Variants in AR observed in about 807,000 individuals in gnomAD.
AR encodes the protein androgen receptor, also known as dihydrotestosterone receptor.
In AR, 8 loss-of-function variants were observed where a neutral mutation model predicts 53.9. The observed-to-expected ratio is 0.15, with a 90% confidence interval of 0.09 to 0.27. The LOEUF (loss-of-function observed/expected upper bound fraction) is 0.27, where lower values mean the gene tolerates loss of function less well. AR is among the 10% of genes least tolerant of loss of function. The pLI is 1.00. For synonymous variants in AR, 359 were observed against 316.4 expected (o/e 1.13, Z -1.43); for missense variants, 639 against 742.5 (o/e 0.86, Z 1.62).
rs1184087380 is a variant in AR, at chrX:67,724,422, T to A, written c.*581T>A. 2 of 173,287 alleles carry A rather than the reference T, an allele frequency of 1.2e-5. No homozygotes were observed. The highest frequency in any genetic ancestry group is 6.0e-5 in the African/African-American group (2 of 33,545). 14.3% of individuals were successfully genotyped at this position (173,287 alleles called of 1,213,427 possible). ...ATATAGAAATCCCCAAAGAGGCCAA[T>A]AGTGACGAGAAGGTGAAAATTGCAG... On this transcript the variant is annotated 3_prime_UTR_variant, in exon 8 of 8. Transcript: ENST00000374690.
intron 2 of AR, among the ~76,000 whole-genome samples, chrX:67,673,377 C>T (rs1333835324): frequency 9.3e-6 from 1 of 107,148 alleles, no homozygotes; most frequent in Non-Finnish European, 1.9e-5. Context: ...CTGTCTCTCT[C>T]TCTCTCTCTC....
At chrX:67,629,084 T>C (rs1924892930) in intron 1 of AR, among the ~76,000 whole-genome samples, 1 of 111,738 alleles carries the variant, frequency 8.9e-6, no homozygotes. Context: ...TCAAGCATAT[T>C]GGTCTAAAAT....
At chrX:67,592,957 T>G (rs1242049506) in intron 1 of AR, among the ~76,000 whole-genome samples, 1 of 111,664 alleles carries the variant, frequency 9.0e-6, no homozygotes, top group Non-Finnish European at 1.9e-5. Flanking sequence ...AAAAAACAAG[T>G]AAAATAGTGC....
chrX:67,657,046 T>C (rs1926625523), intron 2 of AR, among the ~76,000 whole-genome samples: 1 of 110,665 alleles, frequency 9.0e-6, no homozygotes. Context: ...AAAAATGTTA[T>C]TGAGAATTAT....
At chrX:67,716,415 G>A (rs755741669) in intron 4 of AR, among the ~76,000 whole-genome samples, 12 of 112,105 alleles carry the variant, frequency 1.1e-4, no homozygotes, top group East Asian at 5.6e-4. Flanking sequence ...AGTGTTTACC[G>A]GATGAAAGGC....
intron 2 of AR, among the ~76,000 whole-genome samples, chrX:67,684,314 A>G (rs1186651136): frequency 8.9e-6 from 1 of 112,219 alleles, no homozygotes; most frequent in Non-Finnish European, 1.9e-5. Flanking sequence ...TTAGCAAATT[A>G]TGTGTTCTAT....
chrX:67,711,574 G>T lies in AR; in HGVS notation c.2058G>T (p.Val686=). 8.3e-7 allele frequency: 1 copy of T among 1,211,700 alleles called. No homozygotes were observed. The part of the protein sequence containing the change: ...NVLEAIEPGV[V]CAGHDNNQPD... ...TGGAAGCCATTGAGCCAGGTGTAGTGTGTGCTGGACACGACAACAACCAGC... is the reference window on the plus strand; with the variant it reads ...TGGAAGCCATTGAGCCAGGTGTAGTTTGTGCTGGACACGACAACAACCAGC... The change falls in exon 4 of 8, where the codon GTG becomes GTT. Residue 686 remains valine (V), a synonymous_variant. Coordinates refer to ENST00000374690, the MANE Select transcript of AR (RefSeq NM_000044.6).
At chrX:67,719,821 G>T (rs763351422) in intron 5 of AR, among the ~76,000 whole-genome samples, 38 of 112,057 alleles carry the variant, frequency 3.4e-4, no homozygotes, top group Non-Finnish European at 6.4e-4. Flanking sequence ...ACTAATCCCT[G>T]CCAGCCTTCC....
At chrX:67,586,608 C>T (rs777168999) in intron 1 of AR, among the ~76,000 whole-genome samples, 1 of 112,397 alleles carries the variant, frequency 8.9e-6, no homozygotes, top group Admixed American at 9.4e-5. Context: ...AATGAATGAC[C>T]TTCAACCTTT....
At chrX:67,676,352 G>A (rs138543270) in intron 2 of AR, among the ~76,000 whole-genome samples, 1 of 112,076 alleles carries the variant, frequency 8.9e-6, no homozygotes, top group Non-Finnish European at 1.9e-5. Flanking sequence ...GCTTCTCAAA[G>A]TGAATTTTGT....
intron 2 of AR, among the ~76,000 whole-genome samples, chrX:67,656,555 T>C (rs1926604056): frequency 8.9e-6 from 1 of 111,832 alleles, no homozygotes; most frequent in Non-Finnish European, 1.9e-5. Flanking sequence ...CCAAACATTT[T>C]CCATGTGTTA....
rs1569278910 is a variant in AR, at chrX:67,599,108, G to A, written c.1617-44148G>A. Among the ~76,000 whole-genome samples the A allele has an allele frequency of 2.7e-5, 3 of 111,817 alleles. No homozygotes were observed. The South Asian group carries it at 1.1e-3, about 42-fold the overall frequency. ...GTGTTAGAGAAGGGGCCTATTGAGC[G>A]GGTGGCAGTGGCATGTGTGGCATTA... On this transcript the variant is annotated intron_variant, in intron 1 of 7. Transcript: ENST00000374690.
Position 67,546,219 on chromosome X carries a change from C to A in AR, c.1073C>A (p.Ala358Glu), listed in dbSNP as rs747067108. 4 of 1,210,307 alleles carry A rather than the reference C, an allele frequency of 3.3e-6. No individual in the cohort carries two copies. The African/African-American group carries it at 7.0e-5, about 21-fold the overall frequency. ...YKSGALDEAA[A>E]YQSRDYYNFP... ...TCCGGAGCACTGGACGAGGCAGCTGCGTACCAGAGTCGCGACTACTACAAC... is the reference window on the plus strand; with the variant it reads ...TCCGGAGCACTGGACGAGGCAGCTGAGTACCAGAGTCGCGACTACTACAAC... Residue 358 changes from alanine (A) to glutamate (E), a missense_variant, in exon 1 of 8, where the codon GCG (alanine) becomes GAG (glutamate). Physicochemically the swap from Ala to Glu is moderately radical, Grantham distance 107. Coordinates refer to ENST00000374690, the MANE Select transcript of AR (RefSeq NM_000044.6).
At chrX:67,689,806 A>C in intron 3 of AR, 2 of 683,923 alleles carry the variant, frequency 2.9e-6, no homozygotes, top group Non-Finnish European at 1.8e-6. Flanking sequence ...CCTCCAGTGA[A>C]TTAGCTGTGG....
chrX:67,598,149 G>A (rs1923166061), intron 1 of AR, among the ~76,000 whole-genome samples: 3 of 111,375 alleles, frequency 2.7e-5, no homozygotes, highest in South Asian at 3.7e-4. Context: ...GTACTTTAGC[G>A]CCCAGCACTG....
chrX:67,725,652 A>C lies in AR; in HGVS notation c.*1811A>C, dbSNP rs1368517915. On this transcript the variant is annotated 3_prime_UTR_variant, in exon 8 of 8. Coordinates refer to ENST00000374690, the MANE Select transcript of AR (RefSeq NM_000044.6). ...ACACCATCTGGTGAGTTTACTCATCATCCTCCTCTGCTGCTGATTCTGGGC... is the reference window on the plus strand; with the variant it reads ...ACACCATCTGGTGAGTTTACTCATCCTCCTCCTCTGCTGCTGATTCTGGGC... 5.7e-6 allele frequency: 1 copy of C among 174,030 alleles called. No individual in the cohort carries two copies. Among genetic ancestry groups the C allele is most frequent in the Non-Finnish European group, 1.1e-5 (1 of 91,459 alleles). 14.3% of individuals were successfully genotyped at this position (174,030 alleles called of 1,213,427 possible). A position where few individuals can be genotyped will look rare whatever the true frequency, so the allele number is the denominator to read the frequency against.
chrX:67,681,738 T>C (rs868401755), intron 2 of AR, among the ~76,000 whole-genome samples: 2 of 112,179 alleles, frequency 1.8e-5, no homozygotes, highest in African/African-American at 3.2e-5. Flanking sequence ...CAAGAAAAGA[T>C]AGGACAATAC....
At position 67,725,952 on chromosome X, in the gene AR, C is replaced by G. The variant is rs1282769146; in HGVS notation, c.*2111C>G. 1 of 174,403 alleles carries G rather than the reference C, an allele frequency of 5.7e-6. No homozygotes were observed. Among genetic ancestry groups the G allele is most frequent in the Non-Finnish European group, 1.1e-5 (1 of 91,622 alleles). 14.4% of individuals were successfully genotyped at this position (174,403 alleles called of 1,213,427 possible). On this transcript the variant is annotated 3_prime_UTR_variant, in exon 8 of 8. Transcript: ENST00000374690. Reference sequence around the variant, plus strand: ...CCTACTTTCTCATCTTGGCCTCTGCCTCCTTACTTAGCTCTTAATCTCATC... The same window carrying G: ...CCTACTTTCTCATCTTGGCCTCTGCGTCCTTACTTAGCTCTTAATCTCATC...
chrX:67,546,716 A>G lies in AR; in HGVS notation c.1570A>G (p.Met524Val), dbSNP rs1272612837. The G allele has an allele frequency of 8.3e-7, 1 of 1,208,180 alleles. No individual in the cohort carries two copies. Among genetic ancestry groups the G allele is most frequent in the Non-Finnish European group, 1.1e-6 (1 of 893,762 alleles). Residue 524 changes from methionine (M) to valine (V), a missense_variant, in exon 1 of 8, where the codon ATG (methionine) becomes GTG (valine). Met to Val is a conservative substitution (Grantham distance 21). Around this residue, in one of 5 missense-constraint regions of AR, gnomAD observed 423 missense variants for 377.0 expected, o/e 1.12. Transcript: ENST00000374690. ...CAGTCCCACTTGTGTCAAAAGCGAA[A>G]TGGGCCCCTGGATGGATAGCTACTC... ...YPSPTCVKSE[M>V]GPWMDSYSGP... is the part of the protein sequence containing the mutation.
Sources: allele counts gnomAD v4.1 joint callset (sites outside exome capture counted in the v4.1 genomes callset), GRCh38; gene constraint gnomAD v4.1.1; regional missense constraint gnomAD v4.1.1; transcripts MANE v1.5; gene names NCBI Gene and HGNC (gene_info 2026-07-23, HGNC 2026-07-21).